PITPNC1: variants seen among roughly 807,000 people sequenced by gnomAD.
PITPNC1 encodes the protein phosphatidylinositol transfer protein cytoplasmic 1.
In PITPNC1, 18 loss-of-function variants were observed where a neutral mutation model predicts 44.7. That is an observed-to-expected ratio of 0.40 (90% CI 0.28 to 0.60). PITPNC1 has a LOEUF of 0.60. Among genes scored for constraint, PITPNC1 ranks in the 20% least tolerant of loss-of-function variants. The pLI is 0.39. For synonymous variants in PITPNC1, 141 were observed against 149.6 expected, an observed-to-expected ratio of 0.94 and a Z score of 0.42; for missense variants, 290 against 418.4, an observed-to-expected ratio of 0.69 and a Z score of 2.68.
At chr17:67,475,249 C>T (rs189088971) in intron 1 of PITPNC1, among the ~76,000 whole-genome samples, 8 of 152,170 alleles carry the variant, frequency 5.3e-5, no homozygotes, top group African/African-American at 1.4e-4. Flanking sequence ...CTGTGTGGGC[C>T]GTGGGAAGCA....
At chr17:67,588,615 T>G (rs1371387275) in intron 5 of PITPNC1, among the ~76,000 whole-genome samples, 1 of 152,134 alleles carries the variant, frequency 6.6e-6, no homozygotes, top group African/African-American at 2.4e-5. Context: ...ATAGAGCGTG[T>G]ATAGAGTTTG....
intron 1 of PITPNC1, among the ~76,000 whole-genome samples, chr17:67,517,643 G>A (rs956003811): frequency 1.3e-5 from 2 of 152,186 alleles, no homozygotes; most frequent in African/African-American, 4.8e-5. Context: ...TTAAATGAAA[G>A]GAGTCAGTGA....
At chr17:67,661,445 G>A (rs1281409947) in intron 6 of PITPNC1, among the ~76,000 whole-genome samples, 1 of 151,940 alleles carries the variant, frequency 6.6e-6, no homozygotes, top group Admixed American at 6.6e-5. Flanking sequence ...TGTCCCACTT[G>A]AGTCCCTTTC....
intron 5 of PITPNC1, among the ~76,000 whole-genome samples, chr17:67,585,370 C>T (rs2041299464): frequency 1.3e-5 from 2 of 152,130 alleles, no homozygotes; most frequent in African/African-American, 4.8e-5. Flanking sequence ...ACCCCAGGTT[C>T]ATACGTGGAA....
chr17:67,382,979 CATTT>C (rs367801215), intron 1 of PITPNC1, among the ~76,000 whole-genome samples: 14 of 151,394 alleles, frequency 9.2e-5, no homozygotes, highest in African/African-American at 2.2e-4. Context: ...ATAATTGAGC[CATTT>C]ATTTATTTAT....
At chr17:67,441,764 T>C (rs926245311) in intron 1 of PITPNC1, among the ~76,000 whole-genome samples, 3 of 152,154 alleles carry the variant, frequency 2.0e-5, no homozygotes, top group Admixed American at 6.5e-5. Flanking sequence ...TAATAGTTGT[T>C]ACTTTTTGAA....
At chr17:67,627,531 A>G (rs2041910658) in intron 5 of PITPNC1, among the ~76,000 whole-genome samples, 1 of 152,232 alleles carries the variant, frequency 6.6e-6, no homozygotes, top group South Asian at 2.1e-4. Flanking sequence ...GAAGACTCCC[A>G]TGTTGCTGGG....
chr17:67,534,704 T>A (rs1479965039), intron 2 of PITPNC1, among the ~76,000 whole-genome samples: 3 of 152,008 alleles, frequency 2.0e-5, no homozygotes, highest in Non-Finnish European at 4.4e-5. Context: ...TTATTGAAAT[T>A]AACTGTCCAT....
intron 5 of PITPNC1, among the ~76,000 whole-genome samples, chr17:67,594,402 C>T (rs1266080940): frequency 6.6e-6 from 1 of 152,170 alleles, no homozygotes; most frequent in Non-Finnish European, 1.5e-5. Flanking sequence ...TCCAAGTTCT[C>T]ACGTTTCTGA....
intron 6 of PITPNC1, among the ~76,000 whole-genome samples, chr17:67,640,845 C>T (rs908980663): frequency 1.3e-5 from 2 of 151,868 alleles, no homozygotes; most frequent in African/African-American, 4.8e-5. Flanking sequence ...AAAAAATTAG[C>T]CGGGTGTGGT....
chr17:67,479,706 A>G (rs1293128583), intron 1 of PITPNC1, among the ~76,000 whole-genome samples: 1 of 152,194 alleles, frequency 6.6e-6, no homozygotes, highest in East Asian at 1.9e-4. Context: ...AAAAATAAAA[A>G]TAAGGCTTAT....
intron 1 of PITPNC1, among the ~76,000 whole-genome samples, chr17:67,426,804 A>C (rs2038773667): frequency 6.6e-6 from 1 of 151,956 alleles, no homozygotes; most frequent in African/African-American, 2.4e-5. Flanking sequence ...GATTTTTTTA[A>C]AAACTTATTT....
chr17:67,670,706 G>A (rs1293188124), intron 7 of PITPNC1, among the ~76,000 whole-genome samples: 4 of 144,644 alleles, frequency 2.8e-5, no homozygotes, highest in Non-Finnish European at 6.0e-5. Flanking sequence ...AGCCAAGATC[G>A]TGCTGCTGCA....
At chr17:67,546,194 C>T (rs1458052736) in intron 2 of PITPNC1, among the ~76,000 whole-genome samples, 1 of 150,708 alleles carries the variant, frequency 6.6e-6, no homozygotes, top group East Asian at 1.9e-4. Flanking sequence ...AAAACAAAAA[C>T]AAAAACAAAA....
chr17:67,562,864 A>G (rs2040923975), intron 4 of PITPNC1, among the ~76,000 whole-genome samples: 1 of 152,234 alleles, frequency 6.6e-6, no homozygotes, highest in African/African-American at 2.4e-5. Context: ...TAAAATTTCT[A>G]TCAAAATGGG....
intron 5 of PITPNC1, among the ~76,000 whole-genome samples, chr17:67,602,913 T>TC (rs930914743): frequency 2.6e-5 from 4 of 151,008 alleles, no homozygotes; most frequent in African/African-American, 9.7e-5. Flanking sequence ...ATTTTGATAT[T>TC]TTTTTTTTGT....
chr17:67,446,331 C>T (rs1310197947), intron 1 of PITPNC1, among the ~76,000 whole-genome samples: 1 of 151,706 alleles, frequency 6.6e-6, no homozygotes, highest in Non-Finnish European at 1.5e-5. Context: ...CCTGCCTCTT[C>T]AGGACTTTCT....
intron 1 of PITPNC1, among the ~76,000 whole-genome samples, chr17:67,444,497 A>G (rs2039065268): frequency 6.6e-6 from 1 of 152,102 alleles, no homozygotes; most frequent in Non-Finnish European, 1.5e-5. Flanking sequence ...AATGGGACAG[A>G]CTGGAGACTC....
intron 1 of PITPNC1, among the ~76,000 whole-genome samples, chr17:67,433,511 G>A (rs1015934241): frequency 2.0e-5 from 3 of 152,136 alleles, no homozygotes; most frequent in African/African-American, 7.2e-5. Flanking sequence ...GGCCGAGGAG[G>A]GCGGATCCCT....
Sources: gnomAD v4.1 joint callset for allele counts (sites outside exome capture counted in the v4.1 genomes callset) on GRCh38, gnomAD v4.1.1 for gene constraint, MANE v1.5 for transcripts, NCBI Gene and HGNC (gene_info 2026-07-23, HGNC 2026-07-21) for gene names.